The following KLHL1 variants were observed in gnomAD, a reference collection of about 807,000 sequenced individuals.
KLHL1 encodes the protein kelch like family member 1, also known as kelch-like protein 1.
A neutral mutation model predicts 77.7 loss-of-function variants in KLHL1; 47 were observed. The observed-to-expected ratio is 0.60, with a 90% CI of 0.48 to 0.77. The LOEUF (loss-of-function observed/expected upper bound fraction) is 0.77, where lower values mean the gene tolerates loss of function less well. Ranked by LOEUF, KLHL1 falls within the 30% of genes least tolerant of loss-of-function variation. The pLI is 0.00. For synonymous variants in KLHL1, 360 were observed against 325.2 expected, an observed-to-expected ratio of 1.11 and a Z score of -1.15; for missense variants, 925 against 910.8, an observed-to-expected ratio of 1.02 and a Z score of -0.20.
chr13:69,948,654 T>C (rs1883606773), intron 3 of KLHL1, among the ~76,000 whole-genome samples: 1 of 151,994 alleles, frequency 6.6e-6, no homozygotes, highest in Admixed American at 6.6e-5. Flanking sequence ...TATACTGCAT[T>C]GACATAAAAA....
intron 1 of KLHL1, among the ~76,000 whole-genome samples, chr13:70,073,918 T>C (rs1043932733): frequency 1.2e-4 from 18 of 151,852 alleles, no homozygotes; most frequent in African/African-American, 3.9e-4. Flanking sequence ...CTCCACCTCC[T>C]GGGTTCAAGC....
At chr13:69,750,260 G>C (rs17070795) in intron 7 of KLHL1, among the ~76,000 whole-genome samples, 5,561 of 151,618 alleles carry the variant, frequency 0.037, 300 homozygotes, top group African/African-American at 0.12. Context: ...CGTGTATAAA[G>C]TATCACCCAG....
In KLHL1 at chr13:69,844,589, C is replaced by A. The variant is rs1050135587; in HGVS notation, c.1228-5427G>T. 7.9e-5 allele frequency among the ~76,000 whole-genome samples: 12 copies of A among 151,688 alleles called. No homozygotes were observed. The East Asian group carries it at 2.3e-3, about 30-fold the overall frequency. ...TAATAGCATTACTGTGGGGGTTAGG[C>A]CAACCACATGTGAGTTTGGGTAGGA... On this transcript the variant is annotated intron_variant, in intron 5 of 10. Coordinates refer to ENST00000377844, the MANE Select transcript of KLHL1 (RefSeq NM_020866.3).
chr13:69,730,891 A>C (rs1257444717), intron 8 of KLHL1, among the ~76,000 whole-genome samples: 1 of 152,112 alleles, frequency 6.6e-6, no homozygotes, highest in Admixed American at 6.6e-5. Flanking sequence ...GAGAACATTC[A>C]TTCTACTATT....
At position 70,000,337 on chromosome 13, in the gene KLHL1, G is replaced by A. The variant is rs545435019; in HGVS notation, c.498-24535C>T. Among the ~76,000 whole-genome samples the A allele has an allele frequency of 5.3e-5, 8 of 152,006 alleles. 1 individual carries two copies. In the South Asian group the frequency reaches 1.7e-3, roughly 32 times the overall value. ...GGAAGAAATTGTGAAAATGAAAGTAGCTAAAATGTTTTTAAATTCATAACC... is the reference window on the plus strand; with the variant it reads ...GGAAGAAATTGTGAAAATGAAAGTAACTAAAATGTTTTTAAATTCATAACC... On this transcript the variant is annotated intron_variant, in intron 1 of 10. Coordinates refer to ENST00000377844, the MANE Select transcript of KLHL1 (RefSeq NM_020866.3).
intron 1 of KLHL1, among the ~76,000 whole-genome samples, chr13:70,067,770 C>T (rs1467871587): frequency 6.6e-6 from 1 of 152,086 alleles, no homozygotes; most frequent in African/African-American, 2.4e-5. Context: ...GATAATGAGA[C>T]CAGTGAGAGC....
chr13:69,708,260 T>C (rs1335029914), intron 9 of KLHL1, among the ~76,000 whole-genome samples: 1 of 151,950 alleles, frequency 6.6e-6, no homozygotes, highest in Non-Finnish European at 1.5e-5. Flanking sequence ...AAAGGAAAGA[T>C]TTGTGCAAAA....
At chr13:69,946,631 G>T (rs1285458682) in intron 3 of KLHL1, among the ~76,000 whole-genome samples, 1 of 152,052 alleles carries the variant, frequency 6.6e-6, no homozygotes, top group African/African-American at 2.4e-5. Context: ...TCTTGCCTCA[G>T]CCTCCCACGT....
chr13:69,838,616 G>C (rs1244749556), intron 6 of KLHL1, among the ~76,000 whole-genome samples: 2 of 151,748 alleles, frequency 1.3e-5, no homozygotes, highest in African/African-American at 4.8e-5. Context: ...CAAAGACAGA[G>C]ATTCTTTTCA....
At chr13:69,737,337 G>A (rs572249066) in intron 8 of KLHL1, among the ~76,000 whole-genome samples, 10 of 152,346 alleles carry the variant, frequency 6.6e-5, no homozygotes, top group African/African-American at 2.2e-4. Context: ...AAACTCCCAT[G>A]AGGCAGGAGA....
chr13:70,060,583 C>G (rs911627405), intron 1 of KLHL1, among the ~76,000 whole-genome samples: 1 of 151,856 alleles, frequency 6.6e-6, no homozygotes, highest in Non-Finnish European at 1.5e-5. Flanking sequence ...ATGGCTCATG[C>G]CTGTAATCCA....
At chr13:70,058,532 C>G (rs1004678737) in intron 1 of KLHL1, among the ~76,000 whole-genome samples, 1 of 152,010 alleles carries the variant, frequency 6.6e-6, no homozygotes, top group Non-Finnish European at 1.5e-5. Context: ...TGGAAGATCT[C>G]TATAAAGTAT....
chr13:69,855,677 C>T (rs1452524984), intron 5 of KLHL1, among the ~76,000 whole-genome samples: 1 of 151,464 alleles, frequency 6.6e-6, no homozygotes, highest in Non-Finnish European at 1.5e-5. Context: ...CCCTGCTTCC[C>T]CTTCCCCTTC....
At chr13:69,743,823 A>G (rs7139941) in intron 7 of KLHL1, among the ~76,000 whole-genome samples, 6,958 of 95,894 alleles carry the variant, frequency 0.073, 510 homozygotes, top group African/African-American at 0.23. Flanking sequence ...ACAAAAAAAC[A>G]GAAAAAAAAA....
intron 10 of KLHL1, among the ~76,000 whole-genome samples, chr13:69,703,352 A>C (rs562527149): frequency 5.3e-5 from 8 of 151,628 alleles, no homozygotes; most frequent in Non-Finnish European, 1.2e-4. Flanking sequence ...GGATATAAAG[A>C]AAAAAAATTA....
At chr13:70,003,845 C>T (rs554479350) in intron 1 of KLHL1, among the ~76,000 whole-genome samples, 12 of 151,494 alleles carry the variant, frequency 7.9e-5, no homozygotes, top group African/African-American at 1.9e-4. Flanking sequence ...CGATATATTA[C>T]GAGACTATTG....
At chr13:69,749,913 A>T (rs1874399138) in intron 7 of KLHL1, among the ~76,000 whole-genome samples, 1 of 151,930 alleles carries the variant, frequency 6.6e-6, no homozygotes, top group Non-Finnish European at 1.5e-5. Context: ...TTTCAATAAA[A>T]AAGGGTTTTA....
At chr13:70,099,336 T>C (rs1887870032) in intron 1 of KLHL1, among the ~76,000 whole-genome samples, 1 of 151,802 alleles carries the variant, frequency 6.6e-6, no homozygotes, top group African/African-American at 2.4e-5. Flanking sequence ...CTTCCCATTG[T>C]TCATCTAGTA....
chr13:70,003,562 G>A (rs1885344387), intron 1 of KLHL1, among the ~76,000 whole-genome samples: 1 of 151,718 alleles, frequency 6.6e-6, no homozygotes, highest in South Asian at 2.1e-4. Flanking sequence ...ATGCTTGAAA[G>A]CAACAAAGGA....
Sources: gnomAD v4.1 joint callset for allele counts (sites outside exome capture counted in the v4.1 genomes callset) on GRCh38, gnomAD v4.1.1 for gene constraint, MANE v1.5 for transcripts, NCBI Gene and HGNC (gene_info 2026-07-23, HGNC 2026-07-21) for gene names.